ADGRF4: variants seen among roughly 807,000 people sequenced by gnomAD.
ADGRF4 encodes adhesion G protein-coupled receptor F4.
A neutral mutation model predicts 58.5 loss-of-function variants in ADGRF4; 63 were observed. That is an observed-to-expected ratio of 1.08 (90% CI 0.88 to 1.33). The LOEUF (loss-of-function observed/expected upper bound fraction) is 1.33, where lower values mean the gene tolerates loss of function less well. ADGRF4 is among the 40% of genes most tolerant of loss of function. The pLI is 0.00. For synonymous variants in ADGRF4, 313 were observed against 295.4 expected (o/e 1.06, Z -0.61); for missense variants, 931 against 843.9 (o/e 1.10, Z -1.28).
intron 9 of ADGRF4, among the ~76,000 whole-genome samples, chr6:47,719,393 C>T (rs1772105760): frequency 6.6e-6 from 1 of 152,086 alleles, no homozygotes; most frequent in Non-Finnish European, 1.5e-5. Flanking sequence ...AAACACAGGC[C>T]TGTTATCTTT....
rs1771945395 is a variant in ADGRF4 at position 47,714,203 on chromosome 6, G to T, written c.958G>T (p.Val320Leu). The T allele has an allele frequency of 4.3e-6, 7 of 1,614,122 alleles. No individual in the cohort carries two copies. The highest frequency in any genetic ancestry group is 5.9e-6 in the Non-Finnish European group (7 of 1,180,028). Residue 320 changes from valine to leucine, a missense_variant, in exon 6 of 10, where the codon GTG (valine) becomes TTG (leucine). Transcript: ENST00000283303. ...TCTTCCCAGACAGGTAAATGGTCTG[G>T]TGCTATCAGTGGTTTTACCAGAAAG... The part of the protein sequence containing the change: ...VSLPRQVNGL[V>L]LSVVLPERLQ...
At chr6:47,716,777 C>T (rs1304121267) in intron 6 of ADGRF4, 29 bp from the exon 7 acceptor site, 2 of 1,560,486 alleles carry the variant, frequency 1.3e-6, no homozygotes, top group Non-Finnish European at 1.8e-6. Context: ...AAAAACCATC[C>T]CTCATGAATC....
intron 2 of ADGRF4, among the ~76,000 whole-genome samples, chr6:47,707,763 G>A (rs572478159): frequency 6.3e-4 from 96 of 152,280 alleles, no homozygotes; most frequent in Middle Eastern, 3.4e-3. Flanking sequence ...TAAGAGATTT[G>A]TGATTCTATT....
intron 3 of ADGRF4, among the ~76,000 whole-genome samples, chr6:47,710,044 A>G (rs1031789339): frequency 7.2e-5 from 11 of 152,184 alleles, no homozygotes; most frequent in African/African-American, 2.2e-4. Flanking sequence ...TTCAATGTTA[A>G]TGAATCGACA....
chr6:47,712,562 A>G lies in ADGRF4; in HGVS notation c.506A>G (p.Asn169Ser). The change falls in exon 5 of 10, where the codon AAT (asparagine) becomes AGT (serine). Residue 169 changes from asparagine to serine, a missense_variant. Transcript: ENST00000283303. ...NIAFIVELLK[N>S]ISTDLSDNVT... ...GCATTTATAGTGGAGTTATTAAAAAATATTTCTACAGACTTGTCTGATAAT... is the reference window on the plus strand; with the variant it reads ...GCATTTATAGTGGAGTTATTAAAAAGTATTTCTACAGACTTGTCTGATAAT... 1 of 1,595,782 alleles carries G rather than the reference A, an allele frequency of 6.3e-7. No homozygotes were observed. Among genetic ancestry groups the G allele is most frequent in the Non-Finnish European group, 8.6e-7 (1 of 1,163,236 alleles).
intron 1 of ADGRF4, among the ~76,000 whole-genome samples, chr6:47,706,132 C>G (rs796131042): frequency 7.2e-5 from 11 of 152,286 alleles, no homozygotes; most frequent in African/African-American, 2.6e-4. Context: ...TTTGCTGCAT[C>G]TGGATTTCCA....
chr6:47,705,957 T>C (rs1771699182), intron 1 of ADGRF4, among the ~76,000 whole-genome samples: 1 of 152,210 alleles, frequency 6.6e-6, no homozygotes, highest in African/African-American at 2.4e-5. Context: ...GCTGAGCATC[T>C]GGTACAATTT....
At position 47,720,205 on chromosome 6, in the gene ADGRF4, G is replaced by A. The variant is rs115929717; in HGVS notation, c.*4-1004G>A. 4.5e-3 allele frequency among the ~76,000 whole-genome samples: 680 copies of A among 152,224 alleles called. 3 individuals carry two copies. The highest frequency in any genetic ancestry group is 0.014 in the African/African-American group (580 of 41,536). ...TGGCAGCACCAGGGGGTCTCTCAGC[G>A]GAGACAGGGGCCCCACACACAGTGT... On this transcript the variant is annotated intron_variant, in intron 9 of 9. Transcript: ENST00000283303.
chr6:47,706,293 T>C (rs955329929), intron 1 of ADGRF4, among the ~76,000 whole-genome samples: 1 of 152,140 alleles, frequency 6.6e-6, no homozygotes, highest in East Asian at 1.9e-4. Flanking sequence ...AAGGTAGAAC[T>C]CTCAGGAAAA....
Position 47,721,949 on chromosome 6 carries a change from A to C in ADGRF4, c.*744A>C, listed in dbSNP as rs1772174354. 6.6e-6 allele frequency: 1 copy of C among 152,138 alleles called. No homozygotes were observed. Among genetic ancestry groups the C allele is most frequent in the Non-Finnish European group, 1.5e-5 (1 of 68,026 alleles). 9.4% of individuals were successfully genotyped at this position (152,138 alleles called of 1,614,324 possible). On this transcript the variant is annotated 3_prime_UTR_variant, in exon 10 of 10. Coordinates refer to ENST00000283303, the MANE Select transcript of ADGRF4 (RefSeq NM_153838.5). ...TGTGTTTGTGTATATGTGTCTTTTA[A>C]AAATACTATATATAAAGAAGATTCT...
intron 5 of ADGRF4, among the ~76,000 whole-genome samples, chr6:47,713,444 T>A (rs1293354846): frequency 6.6e-6 from 1 of 152,060 alleles, no homozygotes; most frequent in Non-Finnish European, 1.5e-5. Context: ...AGGGACAGGG[T>A]GTGCAGTCTT....
chr6:47,712,300 C>G (rs376744516), intron 4 of ADGRF4, 57 bp from the exon 5 acceptor site: 6 of 1,560,462 alleles, frequency 3.8e-6, no homozygotes, highest in Non-Finnish European at 5.3e-6. Context: ...CTCCTTTAGT[C>G]TGATACATGG....
intron 9 of ADGRF4, 80 bp downstream of exon 9, chr6:47,718,525 C>A: frequency 1.2e-6 from 1 of 820,148 alleles, no homozygotes; most frequent in Non-Finnish European, 2.2e-6. Flanking sequence ...CACACTATTG[C>A]CTGCTACGTG....
At chr6:47,700,457 C>A (rs1168716450) in intron 1 of ADGRF4, among the ~76,000 whole-genome samples, 1 of 152,142 alleles carries the variant, frequency 6.6e-6, no homozygotes, top group Non-Finnish European at 1.5e-5. Context: ...CAGGTACAAG[C>A]AAGATGGGAC....
rs956263727 is a variant in ADGRF4 at position 47,714,823 on chromosome 6, A to G, written c.1578A>G (p.Pro526=). ...VIGFAIGYGC[P]LIIAVTTVAI... The stretch of plus-strand genomic sequence containing the variant: ...GCTTTGCCATTGGCTATGGGTGCCC[A>G]TTGATCATTGCTGTCACTACAGTTG... The change falls in exon 6 of 10, where the codon CCA becomes CCG. Residue 526 remains proline, a synonymous_variant. Transcript: ENST00000283303. 6 of 1,613,154 alleles carry G rather than the reference A, an allele frequency of 3.7e-6. No homozygotes were observed. The highest frequency in any genetic ancestry group is 4.2e-6 in the Non-Finnish European group (5 of 1,179,100).
chr6:47,715,273 A>G (rs889710414), intron 6 of ADGRF4, 96 bp downstream of exon 6: 3 of 892,176 alleles, frequency 3.4e-6, no homozygotes, highest in Non-Finnish European at 5.2e-6. Context: ...TGTTCTCTCC[A>G]CTTCCTTTTA....
rs745649368 is a variant in ADGRF4, at chr6:47,714,591, C to A, written c.1346C>A (p.Ser449Tyr). 10 of 1,614,018 alleles carry A rather than the reference C, an allele frequency of 6.2e-6. No homozygotes were observed. Among genetic ancestry groups the A allele is most frequent in the African/African-American group, 1.3e-5 (1 of 74,914 alleles). ...GTGTGCATCGTGAATATAGCAGTGT[C>A]CCTTCTGACTGCCAATGTGTGGTTT... is the stretch of plus-strand genomic sequence containing the variant. ...RHVCIVNIAV[S>Y]LLTANVWFII... The change falls in exon 6 of 10, where the codon TCC becomes TAC. Residue 449 changes from serine (S) to tyrosine (Y), a missense_variant. Transcript: ENST00000283303.
At chr6:47,707,628 A>G (rs1771749409) in intron 2 of ADGRF4, among the ~76,000 whole-genome samples, 1 of 152,212 alleles carries the variant, frequency 6.6e-6, no homozygotes, top group Admixed American at 6.5e-5. Flanking sequence ...CAGTTGAACA[A>G]TGGAGAGTCA....
chr6:47,713,666 A>T (rs1285109560), intron 5 of ADGRF4, 132 bp from the exon 6 acceptor site: 13 of 654,914 alleles, frequency 2.0e-5, no homozygotes, highest in Admixed American at 1.8e-4. Flanking sequence ...ATTCTAATAC[A>T]TAGGGAATTT....
Sources: allele counts gnomAD v4.1 joint callset (sites outside exome capture counted in the v4.1 genomes callset), GRCh38; gene constraint gnomAD v4.1.1; transcripts MANE v1.5; gene names NCBI Gene and HGNC (gene_info 2026-07-23, HGNC 2026-07-21).